Variants in CEP128 observed in about 807,000 individuals in gnomAD.
The protein encoded by CEP128 is centrosomal protein 128kDa.
Under a neutral mutation model 156.7 loss-of-function variants are expected in CEP128, and 132 were observed. The observed-to-expected ratio is 0.84, with a 90% confidence interval of 0.73 to 0.97. The LOEUF (loss-of-function observed/expected upper bound fraction) is 0.97, where lower values mean the gene tolerates loss of function less well. CEP128 is among the 50% of genes least tolerant of loss of function. The pLI, the probability that CEP128 is intolerant of heterozygous loss-of-function variation, is 0.00. For synonymous variants in CEP128, 469 were observed against 448.9 expected (o/e 1.04, Z -0.57); for missense variants, 1,252 against 1,281.9 (o/e 0.98, Z 0.36).
At chr14:80,944,993 A>G (rs1272621067), upstream of CEP128, among the ~76,000 whole-genome samples, 1 of 152,030 alleles carries the variant, frequency 6.6e-6, no homozygotes, top group East Asian at 1.9e-4. Flanking sequence ...TTTGCAAACC[A>G]TGTATTACAG....
intron 19 of CEP128, among the ~76,000 whole-genome samples, chr14:80,647,011 A>ATATATATATATATATATATATATG (rs1233103116): frequency 2.8e-4 from 20 of 72,524 alleles, no homozygotes; most frequent in Admixed American, 4.0e-4. Context: ...ATATATATAT[A>ATATATATATATATATATATATATG]TGTGTGTGTA....
intron 15 of CEP128, among the ~76,000 whole-genome samples, chr14:80,782,953 G>A (rs1367825912): frequency 1.3e-5 from 2 of 151,808 alleles, no homozygotes; most frequent in East Asian, 3.9e-4. Flanking sequence ...ATTAGAGTTT[G>A]AGAGTCTCAT....
intron 21 of CEP128, among the ~76,000 whole-genome samples, chr14:80,539,952 T>C (rs1889667974): frequency 6.6e-6 from 1 of 152,074 alleles, no homozygotes; most frequent in South Asian, 2.1e-4. Context: ...GGGGAAAAAC[T>C]CCACCCTGGT....
At chr14:80,565,280 A>C (rs1227498169) in intron 20 of CEP128, among the ~76,000 whole-genome samples, 1 of 152,122 alleles carries the variant, frequency 6.6e-6, no homozygotes, top group Non-Finnish European at 1.5e-5. Flanking sequence ...ACCCAAAAAC[A>C]GAAGACGTTA....
intron 2 of CEP128, chr14:80,955,616 G>A: frequency 3.8e-6 from 6 of 1,599,202 alleles, no homozygotes; most frequent in Non-Finnish European, 5.1e-6. Flanking sequence ...GGGGTAACCC[G>A]AGGTGCAGAG....
chr14:80,720,723 C>T (rs994467885), intron 19 of CEP128, among the ~76,000 whole-genome samples: 2 of 152,186 alleles, frequency 1.3e-5, no homozygotes, highest in African/African-American at 4.8e-5. Flanking sequence ...AAATAAAAAA[C>T]TAGACCTAGA....
intron 8 of CEP128, chr14:80,894,817 T>TC (rs1889271485): frequency 3.4e-6 from 1 of 292,206 alleles, no homozygotes; most frequent in East Asian, 9.7e-5. Flanking sequence ...GATCTTTTTA[T>TC]CTCCTAGCAC....
chr14:80,653,876 T>C (rs1895019389), intron 19 of CEP128, among the ~76,000 whole-genome samples: 1 of 152,176 alleles, frequency 6.6e-6, no homozygotes, highest in South Asian at 2.1e-4. Flanking sequence ...GAACAGTGAA[T>C]ATAGTACTAA....
intron 19 of CEP128, among the ~76,000 whole-genome samples, chr14:80,655,447 G>T (rs78783100): frequency 0.014 from 2,071 of 152,228 alleles, 30 homozygotes; most frequent in Middle Eastern, 0.044. Context: ...CAATCATCTT[G>T]TGCCATTCTC....
chr14:80,741,279 C>T (rs1360054216), intron 19 of CEP128, among the ~76,000 whole-genome samples: 1 of 152,170 alleles, frequency 6.6e-6, no homozygotes, highest in African/African-American at 2.4e-5. Context: ...GCAATTTCCA[C>T]ATAAATTTTA....
intron 21 of CEP128, among the ~76,000 whole-genome samples, chr14:80,536,966 A>T (rs554808687): frequency 9.9e-5 from 15 of 152,252 alleles, no homozygotes; most frequent in Non-Finnish European, 1.6e-4. Flanking sequence ...ACATGGCACT[A>T]TGACATCAGT....
rs1056231463 is a variant in CEP128, at chr14:80,497,363, C to T, written c.*116G>A. 4.5e-6 allele frequency: 3 copies of T among 665,334 alleles called. No homozygotes were observed. The East Asian group carries it at 8.3e-5, about 18-fold the overall frequency. The allele number at this position is 665,334 out of a possible 1,614,324, so 41.2% of individuals were successfully genotyped here. A position where few individuals can be genotyped will look rare whatever the true frequency, so the allele number is the denominator to read the frequency against. On this transcript the variant is annotated 3_prime_UTR_variant, in exon 25 of 25. Coordinates refer to ENST00000555265, the MANE Select transcript of CEP128 (RefSeq NM_152446.5). ...CACTTTTGTCAATGTTTGGCAATAC[C>T]AAAGAGCCAAAGCTGCAGGTATGTC...
At chr14:80,939,814 A>C (rs573497841) in intron 1 of CEP128, among the ~76,000 whole-genome samples, 7 of 152,324 alleles carry the variant, frequency 4.6e-5, no homozygotes, top group Non-Finnish European at 1.0e-4. Context: ...CCGCAGCCCA[A>C]GTCTAGCCAA....
intron 10 of CEP128, among the ~76,000 whole-genome samples, chr14:80,839,764 C>A (rs150341859): frequency 6.6e-6 from 1 of 151,876 alleles, no homozygotes; most frequent in African/African-American, 2.4e-5. Context: ...ATACATGTGG[C>A]TCATAAAACA....
intron 6 of CEP128, among the ~76,000 whole-genome samples, chr14:80,902,050 G>C (rs977116620): frequency 2.5e-4 from 38 of 152,106 alleles, no homozygotes; most frequent in African/African-American, 7.7e-4. Flanking sequence ...TCAACTTTCA[G>C]ATCTCAGCTC....
At chr14:80,678,575 G>C (rs895352799) in intron 19 of CEP128, among the ~76,000 whole-genome samples, 2 of 152,174 alleles carry the variant, frequency 1.3e-5, no homozygotes, top group African/African-American at 4.8e-5. Context: ...CCCAGATCCA[G>C]GGGAGAAGAA....
chr14:80,560,057 G>A (rs758013348), intron 20 of CEP128, among the ~76,000 whole-genome samples: 3 of 152,224 alleles, frequency 2.0e-5, no homozygotes, highest in Non-Finnish European at 4.4e-5. Context: ...AGCAGAGTGT[G>A]AAGATCTAAG....
chr14:80,707,097 G>A (rs1314692054), intron 19 of CEP128, among the ~76,000 whole-genome samples: 3 of 152,026 alleles, frequency 2.0e-5, no homozygotes, highest in African/African-American at 7.2e-5. Context: ...AATGTTGGTG[G>A]CAGATGTTTG....
intron 10 of CEP128, among the ~76,000 whole-genome samples, chr14:80,838,735 T>C (rs1886207381): frequency 6.6e-6 from 1 of 152,192 alleles, no homozygotes; most frequent in African/African-American, 2.4e-5. Context: ...CTCAAAAGTT[T>C]CATCTAATTG....
Sources: allele counts gnomAD v4.1 joint callset (sites outside exome capture counted in the v4.1 genomes callset), GRCh38; gene constraint gnomAD v4.1.1; transcripts MANE v1.5; gene names NCBI Gene and HGNC (gene_info 2026-07-23, HGNC 2026-07-21).